The following SGMS1 variants were observed in gnomAD, a reference collection of about 807,000 sequenced individuals.
The protein encoded by SGMS1 is phosphatidylcholine:ceramide cholinephosphotransferase 1.
SGMS1 carries 13 observed loss-of-function variants against 46.2 expected under a neutral mutation model. That is an observed-to-expected ratio of 0.28 (90% CI 0.18 to 0.45). SGMS1 has a LOEUF of 0.45. SGMS1 is among the 20% of genes least tolerant of loss of function. The pLI, the probability that SGMS1 is intolerant of heterozygous loss-of-function variation, is 1.00. For synonymous variants in SGMS1, 203 were observed against 187.8 expected (o/e 1.08, Z -0.66); for missense variants, 324 against 519.9 (o/e 0.62, Z 3.66).
intron 1 of SGMS1, among the ~76,000 whole-genome samples, chr10:50,594,669 C>T (rs1292728574): frequency 6.6e-6 from 1 of 151,968 alleles, no homozygotes; most frequent in Non-Finnish European, 1.5e-5. Context: ...GTAATTTTTA[C>T]AATTTAATCT....
intron 6 of SGMS1, among the ~76,000 whole-genome samples, chr10:50,413,968 C>T (rs1487339309): frequency 2.0e-5 from 3 of 152,228 alleles, no homozygotes; most frequent in Admixed American, 6.5e-5. Flanking sequence ...TATCATTTCT[C>T]AGCTTAAAAG....
At chr10:50,358,971 T>C (rs1470594214) in intron 6 of SGMS1, among the ~76,000 whole-genome samples, 1 of 152,202 alleles carries the variant, frequency 6.6e-6, no homozygotes, top group Non-Finnish European at 1.5e-5. Flanking sequence ...TTGAGAAAAT[T>C]TTAGAAGATT....
intron 7 of SGMS1, chr10:50,343,284 G>C: frequency 2.0e-6 from 1 of 506,896 alleles, no homozygotes. Flanking sequence ...CATCCTGTAT[G>C]AATCTTGCAT....
intron 6 of SGMS1, among the ~76,000 whole-genome samples, chr10:50,362,115 A>AATTAAATACCTAATTAAATGAGAACCAT (rs1848258938): frequency 1.3e-5 from 2 of 152,250 alleles, no homozygotes; most frequent in Admixed American, 6.5e-5. Flanking sequence ...ATGAGAATGC[A>AATTAAATACCTAATTAAATGAGAACCAT]AAGGAGATGA....
chr10:50,424,019 A>C lies in SGMS1; in HGVS notation c.-232+9457T>G, dbSNP rs187780665. The stretch of plus-strand genomic sequence containing the variant: ...ATTAACAACTACACTGAACGCGCAA[A>C]GAAACAGGGAGTCAAGAATGCTATA... On this transcript the variant is annotated intron_variant, in intron 6 of 10. Transcript: ENST00000361781. 5.3e-3 allele frequency among the ~76,000 whole-genome samples: 809 copies of C among 152,378 alleles called. 10 individuals are homozygous for C. Among genetic ancestry groups the C allele is most frequent in the South Asian group, 0.046 (221 of 4,826 alleles).
At chr10:50,332,531 A>C (rs2133328471) in intron 7 of SGMS1, among the ~76,000 whole-genome samples, 1 of 149,902 alleles carries the variant, frequency 6.7e-6, no homozygotes, top group East Asian at 2.0e-4. Context: ...TTGCTACAGC[A>C]CCTGGATTCC....
intron 1 of SGMS1, among the ~76,000 whole-genome samples, chr10:50,608,468 C>T (rs1170743658): frequency 1.3e-5 from 2 of 152,122 alleles, no homozygotes; most frequent in Non-Finnish European, 2.9e-5. Flanking sequence ...TCAGCACAGG[C>T]TGTACACCAC....
chr10:50,384,462 TTCCTTCCTTCCC>T (rs1230324749), intron 6 of SGMS1, among the ~76,000 whole-genome samples: 1 of 150,944 alleles, frequency 6.6e-6, no homozygotes, highest in Non-Finnish European at 1.5e-5. Context: ...CTCTCCTTCC[TTCCTTCCTTCCC>T]TCCTTCCCTC....
intron 6 of SGMS1, among the ~76,000 whole-genome samples, chr10:50,362,443 C>G (rs1363788792): frequency 1.3e-5 from 2 of 152,140 alleles, no homozygotes. Context: ...ACCAGAAAAA[C>G]TGGATCCATG....
At position 50,346,088 on chromosome 10, in the gene SGMS1, A is replaced by G. The variant is rs573198995; in HGVS notation, c.-231-1743T>C. 1.2e-4 allele frequency among the ~76,000 whole-genome samples: 18 copies of G among 152,340 alleles called. No homozygotes were observed. In the South Asian group the frequency reaches 3.7e-3, roughly 32 times the overall value. On this transcript the variant is annotated intron_variant, in intron 6 of 10. Coordinates refer to ENST00000361781, the MANE Select transcript of SGMS1 (RefSeq NM_147156.4). ...TGGCCTTTGGCAGAAGACGGACCAC[A>G]GTTTGACTCTCAGCATCTCCCATAC...
chr10:50,623,246 A>G (rs2131953099), intron 1 of SGMS1, among the ~76,000 whole-genome samples: 1 of 152,120 alleles, frequency 6.6e-6, no homozygotes, highest in African/African-American at 2.4e-5. Flanking sequence ...TCACACCGCC[A>G]CCTAGGCTGT....
chr10:50,307,062 G>T lies in SGMS1; in HGVS notation c.*80C>A. 7.5e-7 allele frequency: 1 copy of T among 1,337,592 alleles called. No individual in the cohort carries two copies. The highest frequency in any genetic ancestry group is 1.0e-6 in the Non-Finnish European group (1 of 962,086). The allele number at this position is 1,337,592 out of a possible 1,614,324, so 82.9% of individuals were successfully genotyped here. On this transcript the variant is annotated 3_prime_UTR_variant, in exon 11 of 11. Coordinates refer to ENST00000361781, the MANE Select transcript of SGMS1 (RefSeq NM_147156.4). This position sits in a 1 kb window ranked among gnomAD's most constrained non-coding sequence, Gnocchi z 4.2. ...CATTGAAAGATAATAGGATTAGGGAGGTGTTTATTTTATGGCATCTTCTCT... is the reference window on the plus strand; with the variant it reads ...CATTGAAAGATAATAGGATTAGGGATGTGTTTATTTTATGGCATCTTCTCT...
At chr10:50,449,693 CCCCAT>C (rs1837076584) in intron 5 of SGMS1, among the ~76,000 whole-genome samples, 1 of 151,960 alleles carries the variant, frequency 6.6e-6, no homozygotes, top group African/African-American at 2.4e-5. Context: ...GACTTACACT[CCCCAT>C]CCACTTCTCT....
At chr10:50,359,709 C>A (rs1457162963) in intron 6 of SGMS1, among the ~76,000 whole-genome samples, 1 of 150,952 alleles carries the variant, frequency 6.6e-6, no homozygotes, top group African/African-American at 2.4e-5. Context: ...GAAAAAGAAT[C>A]TAAAAGCTCT....
At chr10:50,597,595 C>T (rs987279059) in intron 1 of SGMS1, among the ~76,000 whole-genome samples, 2 of 152,080 alleles carry the variant, frequency 1.3e-5, no homozygotes, top group Non-Finnish European at 2.9e-5. Flanking sequence ...TCAGTATTGC[C>T]AGGAGTTCAG....
rs1005378892 is a variant in SGMS1, at chr10:50,614,320, G to A, written c.-684+9387C>T. On this transcript the variant is annotated intron_variant, in intron 1 of 10. Coordinates refer to ENST00000361781, the MANE Select transcript of SGMS1 (RefSeq NM_147156.4). ...GAAAAGCAAGTTTCTGCTCTGGACT[G>A]GCTCAGACACCCCTCTGCTGTCCTA... Among the ~76,000 whole-genome samples, 12 of 152,252 alleles carry A rather than the reference G, an allele frequency of 7.9e-5. No homozygotes were observed. In the East Asian group the frequency reaches 2.3e-3, roughly 29 times the overall value.
At chr10:50,473,380 AAATT>A (rs1395979810) in intron 3 of SGMS1, among the ~76,000 whole-genome samples, 1 of 152,208 alleles carries the variant, frequency 6.6e-6, no homozygotes, top group Admixed American at 6.5e-5. Flanking sequence ...TATCTATTGA[AAATT>A]AAAGGAATTC....
At chr10:50,419,257 A>T (rs1353694522) in intron 6 of SGMS1, among the ~76,000 whole-genome samples, 1 of 152,214 alleles carries the variant, frequency 6.6e-6, no homozygotes, top group African/African-American at 2.4e-5. Flanking sequence ...CACTCAAAAA[A>T]TGCTGTCTTG....
At chr10:50,435,064 A>G (rs1422630247) in intron 5 of SGMS1, among the ~76,000 whole-genome samples, 3 of 152,226 alleles carry the variant, frequency 2.0e-5, no homozygotes, top group Non-Finnish European at 2.9e-5. Flanking sequence ...TTGGCTAGCT[A>G]TGGCTTTATA....
Sources: allele counts gnomAD v4.1 joint callset (sites outside exome capture counted in the v4.1 genomes callset), GRCh38; gene constraint gnomAD v4.1.1; non-coding constraint Gnocchi (gnomAD v3.1); transcripts MANE v1.5; gene names NCBI Gene and HGNC (gene_info 2026-07-23, HGNC 2026-07-21).